NPTX2: variants seen among roughly 807,000 people sequenced by gnomAD.
NPTX2 encodes the protein neuronal pentraxin-2.
In NPTX2, 23 loss-of-function variants were observed where a neutral mutation model predicts 38.1. The ratio of observed to expected loss-of-function variants is 0.60; its 90% CI spans 0.43 to 0.85. NPTX2 has a LOEUF of 0.85. Among genes scored for constraint, NPTX2 ranks in the 40% least tolerant of loss-of-function variants. The pLI is 0.00. For missense variants in NPTX2, 553 were observed against 615.3 expected, an observed-to-expected ratio of 0.90 and a Z score of 1.07; for synonymous variants, 291 against 287.3, an observed-to-expected ratio of 1.01 and a Z score of -0.13.
Position 98,618,124 on chromosome 7 carries a change from C to T in NPTX2, c.426+237C>T, listed in dbSNP as rs541102092. On this transcript the variant is annotated intron_variant, in intron 1 of 4. Coordinates refer to ENST00000265634, the MANE Select transcript of NPTX2 (RefSeq NM_002523.3). ...TGGAAGGAAACGTTTAAATTCCACCCCCGCGCGTCGGGACTGCCAGCGGGA... is the reference window on the plus strand; with the variant it reads ...TGGAAGGAAACGTTTAAATTCCACCTCCGCGCGTCGGGACTGCCAGCGGGA... Among the ~76,000 whole-genome samples, 319 of 152,310 alleles carry T rather than the reference C, an allele frequency of 2.1e-3. 1 individual carries two copies. The highest frequency in any genetic ancestry group is 3.7e-3 in the Non-Finnish European group (254 of 68,026).
chr7:98,620,958 G>A (rs553693714), intron 2 of NPTX2, among the ~76,000 whole-genome samples: 36 of 152,250 alleles, frequency 2.4e-4, no homozygotes, highest in Admixed American at 9.2e-4. Context: ...GTCATGCCAG[G>A]CGGGAGCTCA....
At chr7:98,628,001 T>G (rs1296280303) in intron 4 of NPTX2, among the ~76,000 whole-genome samples, 1 of 152,158 alleles carries the variant, frequency 6.6e-6, no homozygotes, top group Non-Finnish European at 1.5e-5. Flanking sequence ...CATTCCAGTC[T>G]GTATTTGGGT....
chr7:98,628,443 C>T lies in NPTX2; in HGVS notation c.1110C>T (p.Val370=), dbSNP rs34517768. ...GGTTTGATGCCACTCAGGCATTTGTCGGGGAGCTCAGCCAGTTCAACATAT... is the reference window on the plus strand; with the variant it reads ...GGTTTGATGCCACTCAGGCATTTGTTGGGGAGCTCAGCCAGTTCAACATAT... ...GGRFDATQAF[V]GELSQFNIWD... is the part of the protein sequence containing the mutation. The change falls in exon 5 of 5, where the codon GTC becomes GTT. Residue 370 remains valine (V), a synonymous_variant. Coordinates refer to ENST00000265634, the MANE Select transcript of NPTX2 (RefSeq NM_002523.3). The T allele has an allele frequency of 0.011, 17,491 of 1,610,346 alleles. 212 individuals carry two copies. The highest frequency in any genetic ancestry group is 0.053 in the African/African-American group (3,961 of 74,966).
At chr7:98,620,010 C>G in intron 2 of NPTX2, 151 bp downstream of exon 2, 1 of 691,482 alleles carries the variant, frequency 1.4e-6, no homozygotes, top group Non-Finnish European at 2.5e-6. Context: ...GGCGACTGAA[C>G]AAGGTCATCT....
rs375184669 is a variant in NPTX2, at chr7:98,628,535, A to G, written c.1202A>G (p.Asn401Ser). The G allele has an allele frequency of 3.1e-6, 5 of 1,612,160 alleles. No homozygotes were observed. Among genetic ancestry groups the G allele is most frequent in the Admixed American group, 1.7e-5 (1 of 59,904 alleles). The change falls in exon 5 of 5, where the codon AAC (asparagine) becomes AGC (serine). Residue 401 changes from asparagine (N) to serine (S), a missense_variant. By Grantham distance (46) the Asn-to-Ser change is conservative (BLOSUM62 1). Coordinates refer to ENST00000265634, the MANE Select transcript of NPTX2 (RefSeq NM_002523.3). ...IANCSTNMPG[N>S]IIPWVDNNVD... ...AACTGCTCCACAAACATGCCGGGCA[A>G]CATCATCCCGTGGGTGGACAATAAC...
chr7:98,617,664 A>G lies in NPTX2; in HGVS notation c.203A>G (p.Glu68Gly). Reference protein sequence around the residue: ...ELRAAVLQLRETVVQQKETLG... With the variant: ...ELRAAVLQLRGTVVQQKETLG... ...AGGGCCGCGGTGCTGCAGCTGCGCG[A>G]GACCGTCGTGCAGCAGAAGGAGACG... The change falls in exon 1 of 5, where the codon GAG becomes GGG. Residue 68 changes from glutamate (E) to glycine (G), a missense_variant. Glu to Gly is a moderately conservative substitution (Grantham distance 98). Coordinates refer to ENST00000265634, the MANE Select transcript of NPTX2 (RefSeq NM_002523.3). 1 of 1,480,798 alleles carries G rather than the reference A, an allele frequency of 6.8e-7. No homozygotes were observed. The highest frequency in any genetic ancestry group is 8.9e-7 in the Non-Finnish European group (1 of 1,124,462). 91.7% of individuals were successfully genotyped at this position (1,480,798 alleles called of 1,614,324 possible). A position where few individuals can be genotyped will look rare whatever the true frequency, so the allele number is the denominator to read the frequency against.
intron 2 of NPTX2, among the ~76,000 whole-genome samples, chr7:98,621,681 AC>A (rs1265109617): frequency 6.6e-6 from 1 of 152,154 alleles, no homozygotes; most frequent in Non-Finnish European, 1.5e-5. Flanking sequence ...TGGTGGGGGA[AC>A]TCTGGCCTTT....
rs569932192 is a variant in NPTX2 at position 98,628,474 on chromosome 7, C to T, written c.1141C>T (p.Arg381Cys). The change falls in exon 5 of 5, where the codon CGC (arginine) becomes TGC (cysteine). Residue 381 changes from arginine (R) to cysteine (C), a missense_variant. Arg to Cys is a radical substitution (Grantham distance 180, BLOSUM62 -3). Transcript: ENST00000265634. ...GCTCAGCCAGTTCAACATATGGGACCGCGTCCTTCGCGCACAAGAAATTGT... is the reference window on the plus strand; with the variant it reads ...GCTCAGCCAGTTCAACATATGGGACTGCGTCCTTCGCGCACAAGAAATTGT... Reference protein sequence around the residue: ...GELSQFNIWDRVLRAQEIVNI... With the variant: ...GELSQFNIWDCVLRAQEIVNI... 1.1e-5 allele frequency: 17 copies of T among 1,611,176 alleles called. No individual in the cohort carries two copies. Among genetic ancestry groups the T allele is most frequent in the East Asian group, 2.2e-5 (1 of 44,842 alleles).
At position 98,621,726 on chromosome 7, in the gene NPTX2, G is replaced by T. The variant is rs191663002; in HGVS notation, c.643+1867G>T. Reference sequence around the variant, plus strand: ...AGCCTCCACCCCTTAGGGACCAGATGCTTGGCTGTGAGTTCCACACTTGGC... The same window carrying T: ...AGCCTCCACCCCTTAGGGACCAGATTCTTGGCTGTGAGTTCCACACTTGGC... On this transcript the variant is annotated intron_variant, in intron 2 of 4. Coordinates refer to ENST00000265634, the MANE Select transcript of NPTX2 (RefSeq NM_002523.3). Among the ~76,000 whole-genome samples, 23 of 152,354 alleles carry T rather than the reference G, an allele frequency of 1.5e-4. 2 individuals are homozygous for T. The East Asian group carries it at 2.3e-3, about 15-fold the overall frequency.
At chr7:98,626,647 C>A (rs567746591) in intron 3 of NPTX2, among the ~76,000 whole-genome samples, 1 of 152,298 alleles carries the variant, frequency 6.6e-6, no homozygotes, top group South Asian at 2.1e-4. Flanking sequence ...CTTGCAGGAC[C>A]GCCAGGGACC....
At chr7:98,618,024 G>C in intron 1 of NPTX2, 137 bp downstream of exon 1, 1 of 856,838 alleles carries the variant, frequency 1.2e-6, no homozygotes, top group Non-Finnish European at 1.7e-6. Flanking sequence ...CTGGACTTGA[G>C]GGTGAAAGGC....
chr7:98,618,230 G>A (rs977783604), intron 1 of NPTX2, among the ~76,000 whole-genome samples: 41 of 152,304 alleles, frequency 2.7e-4, no homozygotes, highest in African/African-American at 9.9e-4. Flanking sequence ...GGACGCGGTA[G>A]CCTCTATCCT....
At position 98,617,865 on chromosome 7, in the gene NPTX2, A is replaced by G; in HGVS notation, c.404A>G (p.Lys135Arg). 3 of 1,556,762 alleles carry G rather than the reference A, an allele frequency of 1.9e-6. No homozygotes were observed. Among genetic ancestry groups the G allele is most frequent in the Non-Finnish European group, 2.6e-6 (3 of 1,159,720 alleles). ...EQLSRSLQTL[K>R]DRLESLEHQL... ...CTCAGCCGCTCGCTGCAGACCCTCA[A>G]GGACCGCCTGGAGAGCCTCGAGGTA... The change falls in exon 1 of 5, where the codon AAG becomes AGG. Residue 135 changes from lysine to arginine, a missense_variant. Transcript: ENST00000265634.
At chr7:98,625,311 G>T (rs1031953060) in intron 3 of NPTX2, 145 bp downstream of exon 3, 6 of 1,157,042 alleles carry the variant, frequency 5.2e-6, no homozygotes, top group Non-Finnish European at 7.1e-6. Flanking sequence ...TCCTCGAGGT[G>T]GGGATAGCTT....
At chr7:98,624,817 G>A in intron 2 of NPTX2, 105 bp from the exon 3 acceptor site, 1 of 1,419,010 alleles carries the variant, frequency 7.0e-7, no homozygotes, top group Non-Finnish European at 9.6e-7. Context: ...TCAAGGCTGT[G>A]TGAGGGACCT....
rs1221746478 is a variant in NPTX2, at chr7:98,628,758, C to CT, written c.*130dup. Reference sequence around the variant, plus strand: ...CCCAGAGCTCATTCCCCAGGAATCTCTAAGACCAGGGCTGGGGCAGTGTCT... The same window carrying CT: ...CCCAGAGCTCATTCCCCAGGAATCTCTTAAGACCAGGGCTGGGGCAGTGTCT... On this transcript the variant is annotated 3_prime_UTR_variant, in exon 5 of 5. Coordinates refer to ENST00000265634, the MANE Select transcript of NPTX2 (RefSeq NM_002523.3). The CT allele has an allele frequency of 9.0e-6, 5 of 557,782 alleles. No homozygotes were observed. The Admixed American group carries it at 9.1e-5, about 10-fold the overall frequency. The allele number at this position is 557,782 out of a possible 1,614,324, so 34.6% of individuals were successfully genotyped here. A position where few individuals can be genotyped will look rare whatever the true frequency, so the allele number is the denominator to read the frequency against.
chr7:98,620,633 T>C (rs901307319), intron 2 of NPTX2, among the ~76,000 whole-genome samples: 2 of 152,184 alleles, frequency 1.3e-5, no homozygotes, highest in Non-Finnish European at 2.9e-5. Flanking sequence ...CTCCCCTCTG[T>C]TGCTGGGTGG....
chr7:98,626,516 CTTG>C (rs1382396742), intron 3 of NPTX2, among the ~76,000 whole-genome samples: 1 of 152,176 alleles, frequency 6.6e-6, no homozygotes, highest in Non-Finnish European at 1.5e-5. Flanking sequence ...GGCTAAGAGC[CTTG>C]TTGTCCTCTG....
intron 4 of NPTX2, among the ~76,000 whole-genome samples, chr7:98,628,171 G>A (rs1791384558): frequency 6.6e-6 from 1 of 152,252 alleles, no homozygotes; most frequent in South Asian, 2.1e-4. Flanking sequence ...TTGGGACTTT[G>A]AGCAGTGTCT....
Sources: allele counts gnomAD v4.1 joint callset (sites outside exome capture counted in the v4.1 genomes callset), GRCh38; gene constraint gnomAD v4.1.1; transcripts MANE v1.5; gene names NCBI Gene and HGNC (gene_info 2026-07-23, HGNC 2026-07-21).